The following LRRC34 variants were observed in gnomAD, a reference collection of about 807,000 sequenced individuals.
LRRC34 encodes the protein leucine-rich repeat-containing protein 34.
In LRRC34, 44 loss-of-function variants were observed where a neutral mutation model predicts 48.5. The ratio of observed to expected loss-of-function variants is 0.91; its 90% CI spans 0.71 to 1.17. LRRC34 has a LOEUF of 1.17. Ranked by LOEUF, LRRC34 falls within the 50% of genes most tolerant of loss-of-function variation. The probability of loss-of-function intolerance (pLI) is 0.00; values close to 1 mark genes in which losing one functional copy is unlikely to be tolerated. For missense variants in LRRC34, 502 were observed against 563.0 expected (o/e 0.89, Z 1.10); for synonymous variants, 192 against 197.6 (o/e 0.97, Z 0.24).
In LRRC34 at chr3:169,793,802, G is replaced by GT; in HGVS notation, c.1227dup (p.Pro410ThrfsTer25). 6.2e-7 allele frequency: 1 copy of GT among 1,612,660 alleles called. No individual in the cohort carries two copies. The highest frequency in any genetic ancestry group is 8.5e-7 in the Non-Finnish European group (1 of 1,179,552). On this transcript the variant is annotated frameshift_variant, in exon 11 of 11. Coordinates refer to ENST00000446859, the MANE Select transcript of LRRC34 (RefSeq NM_001172779.2). LOFTEE classifies it high-confidence loss of function. Reference sequence around the variant, plus strand: ...AATGGCTCCACATCTGTATTGTCTGGTTTTAGACAACCCATTTGAATTAAG... The same window carrying GT: ...AATGGCTCCACATCTGTATTGTCTGGTTTTTAGACAACCCATTTGAATTAAG...
intron 2 of LRRC34, chr3:169,807,958 TCACA>T (rs1229727720): frequency 4.8e-6 from 2 of 418,478 alleles, no homozygotes; most frequent in African/African-American, 4.2e-5. Flanking sequence ...ACACTCACAC[TCACA>T]CAAACAGTAT....
rs778348749 is a variant in LRRC34, at chr3:169,796,798, CTG to C, written c.853_854del (p.Gln285ValfsTer3). 3.5e-5 allele frequency: 57 copies of C among 1,611,168 alleles called. No individual in the cohort carries two copies. Among genetic ancestry groups the C allele is most frequent in the Non-Finnish European group, 4.7e-5 (55 of 1,179,102 alleles). ...TGTTCAGATACAGTGCATCACATAA[CTG>C]TTGTATACCACTGTTTTTTATATCA... ...KHDIKNSGIQ[Q>X]LCDALYLNSS... On this transcript the variant is annotated frameshift_variant, in exon 8 of 11. Coordinates refer to ENST00000446859, the MANE Select transcript of LRRC34 (RefSeq NM_001172779.2). LOFTEE classifies it high-confidence loss of function.
chr3:169,803,371 C>T (rs921498270), intron 6 of LRRC34, among the ~76,000 whole-genome samples: 3 of 152,162 alleles, frequency 2.0e-5, no homozygotes, highest in African/African-American at 7.2e-5. Flanking sequence ...CATGTCATGT[C>T]GCCCAGCTTC....
In LRRC34 at chr3:169,806,909, A is replaced by G. The variant is rs770697967; in HGVS notation, c.467T>C (p.Leu156Ser). Reference protein sequence around the residue: ...LLQKQLNLIYLNLMFNDIGPE... With the variant: ...LLQKQLNLIYSNLMFNDIGPE... ...CCCAATATCATTAAACATGAGGTTT[A>G]AGTAAATGAGATTAAGTTGTTTCTA... is the stretch of plus-strand genomic sequence containing the variant. Residue 156 changes from leucine to serine, a missense_variant, in exon 5 of 11, where the codon TTA becomes TCA. Leu to Ser is a moderately radical substitution (Grantham distance 145, BLOSUM62 -2). Transcript: ENST00000446859. 1.7e-5 allele frequency: 28 copies of G among 1,603,222 alleles called. No individual in the cohort carries two copies. In the Admixed American group the frequency reaches 2.3e-4, roughly 13 times the overall value.
At chr3:169,796,452 G>A in intron 8 of LRRC34, 83 bp from the exon 9 acceptor site, 1 of 1,427,492 alleles carries the variant, frequency 7.0e-7, no homozygotes, top group Non-Finnish European at 9.5e-7. Flanking sequence ...AACTTAAACA[G>A]TACTTTCTGT....
intron 6 of LRRC34, among the ~76,000 whole-genome samples, chr3:169,803,729 A>G (rs1057282935): frequency 6.6e-6 from 1 of 152,202 alleles, no homozygotes; most frequent in Non-Finnish European, 1.5e-5. Flanking sequence ...ACTGCAGCCT[A>G]AAATGTATTT....
rs377198673 is a variant in LRRC34 at position 169,807,721 on chromosome 3, CAAAAAA to C, written c.258-18_258-13del. 1.7e-4 allele frequency: 147 copies of C among 883,138 alleles called. No homozygotes were observed. Among genetic ancestry groups the C allele is most frequent in the African/African-American group, 1.4e-3 (50 of 35,064 alleles). 54.7% of individuals were successfully genotyped at this position (883,138 alleles called of 1,614,324 possible). On this transcript the variant is annotated splice_polypyrimidine_tract_variant and intron_variant, in intron 2 of 10. Transcript: ENST00000446859. ...TTCCTGCTGCTAGCCTGTTAAAATA[CAAAAAA>C]AAAAAAAAAAAAAAAAGATTTTGAA...
chr3:169,796,209 C>T lies in LRRC34; in HGVS notation c.1064+5G>A. 6.3e-7 allele frequency: 1 copy of T among 1,593,578 alleles called. No homozygotes were observed. On this transcript the variant is annotated splice_donor_5th_base_variant and intron_variant, in intron 9 of 10. Coordinates refer to ENST00000446859, the MANE Select transcript of LRRC34 (RefSeq NM_001172779.2). ...TATTTTGATTAAATATAAAACCATA[C>T]TAACGCTTTAAGACTCCTGTTGTGT...
rs568574829 is a variant in LRRC34 at position 169,798,478 on chromosome 3, T to C, written c.754-1579A>G. 5.3e-5 allele frequency among the ~76,000 whole-genome samples: 8 copies of C among 152,254 alleles called. 1 individual carries two copies. The highest frequency in any genetic ancestry group is 9.6e-5 in the African/African-American group (4 of 41,550). On this transcript the variant is annotated intron_variant, in intron 7 of 10. Coordinates refer to ENST00000446859, the MANE Select transcript of LRRC34 (RefSeq NM_001172779.2). ...CCCGTACATGGAATAGATTTGCAGG[T>C]TTGTATTTGGGAACAGCAATTTAAG...
intron 6 of LRRC34, among the ~76,000 whole-genome samples, chr3:169,802,907 G>A (rs961949081): frequency 6.6e-6 from 1 of 152,020 alleles, no homozygotes; most frequent in Non-Finnish European, 1.5e-5. Flanking sequence ...AACCCGGGAG[G>A]TGGAGGTTGC....
chr3:169,806,936 A>G lies in LRRC34; in HGVS notation c.445-5T>C. 1 of 1,532,774 alleles carries G rather than the reference A, an allele frequency of 6.5e-7. No homozygotes were observed. Among genetic ancestry groups the G allele is most frequent in the Non-Finnish European group, 9.0e-7 (1 of 1,109,554 alleles). 94.9% of individuals were successfully genotyped at this position (1,532,774 alleles called of 1,614,324 possible). On this transcript the variant is annotated splice_region_variant and splice_polypyrimidine_tract_variant and intron_variant, in intron 4 of 10. Transcript: ENST00000446859. ...GTAAATGAGATTAAGTTGTTTCTAT[A>G]AGAGAAAAGAAGCTATTACACATTA... is the stretch of plus-strand genomic sequence containing the variant.
Position 169,812,579 on chromosome 3 carries a change from G to T in LRRC34, c.-31C>A. 6.9e-7 allele frequency: 1 copy of T among 1,449,482 alleles called. No homozygotes were observed. Among genetic ancestry groups the T allele is most frequent in the South Asian group, 1.4e-5 (1 of 70,342 alleles). 89.8% of individuals were successfully genotyped at this position (1,449,482 alleles called of 1,614,324 possible). A position where few individuals can be genotyped will look rare whatever the true frequency, so the allele number is the denominator to read the frequency against. ...CCGCGCGCGCACTTACAGTCCGCCT[G>T]CAGCTGTGAGGCGGCTACACGAGCC... On this transcript the variant is annotated 5_prime_UTR_variant, in exon 1 of 11. Coordinates refer to ENST00000446859, the MANE Select transcript of LRRC34 (RefSeq NM_001172779.2). This position sits in a 1 kb window ranked among gnomAD's most constrained non-coding sequence, Gnocchi z 4.3.
chr3:169,812,828 A>C lies in LRRC34; in HGVS notation c.-280T>G. 2.4e-6 allele frequency: 1 copy of C among 421,554 alleles called. No homozygotes were observed. Among genetic ancestry groups the C allele is most frequent in the Non-Finnish European group, 4.2e-6 (1 of 238,326 alleles). The allele number at this position is 421,554 out of a possible 1,614,324, so 26.1% of individuals were successfully genotyped here. On this transcript the variant is annotated 5_prime_UTR_variant, in exon 1 of 11. Transcript: ENST00000446859. This position sits in a 1 kb window ranked among gnomAD's most constrained non-coding sequence, Gnocchi z 4.3. ...TGGGGCTACAAAGAAGATTATGACA[A>C]AGCCCGCTCCTACAAAGTGTGCACC...
intron 6 of LRRC34, among the ~76,000 whole-genome samples, chr3:169,802,306 G>C (rs894247232): frequency 6.6e-6 from 1 of 152,134 alleles, no homozygotes; most frequent in African/African-American, 2.4e-5. Context: ...GCCACACTTA[G>C]GGAAGCACTA....
intron 7 of LRRC34, among the ~76,000 whole-genome samples, chr3:169,800,307 A>G (rs567394142): frequency 4.6e-5 from 7 of 152,204 alleles, no homozygotes; most frequent in African/African-American, 7.2e-5. Context: ...CAATGTAACA[A>G]ACAGTTCACA....
chr3:169,799,017 A>T (rs1240187616), intron 7 of LRRC34, among the ~76,000 whole-genome samples: 1 of 152,226 alleles, frequency 6.6e-6, no homozygotes, highest in African/African-American at 2.4e-5. Flanking sequence ...GGTGTGAATG[A>T]ATCATGAGTG....
intron 1 of LRRC34, among the ~76,000 whole-genome samples, chr3:169,809,199 C>CT (rs35059929): frequency 0.22 from 24,671 of 113,308 alleles, 3,216 homozygotes; most frequent in East Asian, 0.55. Flanking sequence ...CTCAAGGTTT[C>CT]TTTTTTTTTT....
chr3:169,795,505 A>C lies in LRRC34; in HGVS notation c.1171T>G (p.Phe391Val), dbSNP rs936358460. The C allele has an allele frequency of 5.0e-6, 8 of 1,611,970 alleles. No homozygotes were observed. In the African/African-American group the frequency reaches 1.1e-4, roughly 22 times the overall value. ...FSHIYIWGNKFDEATCIAYSD... is the reference protein window; with the variant it reads ...FSHIYIWGNKVDEATCIAYSD... ...CTTACTATACACGTAGCCTCATCAA[A>C]TTTGTTTCCCCAAATGTAGATATGA... Residue 391 changes from phenylalanine (F) to valine (V), a missense_variant, in exon 10 of 11, where the codon TTT (phenylalanine) becomes GTT (valine). Coordinates refer to ENST00000446859, the MANE Select transcript of LRRC34 (RefSeq NM_001172779.2).
rs762946094 is a variant in LRRC34 at position 169,802,978 on chromosome 3, C to CA, written c.657+1074dup. On this transcript the variant is annotated intron_variant, in intron 6 of 10. Transcript: ENST00000446859. ...GGTGACAAGAGTGAGACTCTGTCTC[C>CA]AAAAAAAAAAAAAGTTAATCCTTCA... Among the ~76,000 whole-genome samples the CA allele has an allele frequency of 1.1e-3, 156 of 136,234 alleles. 1 individual carries two copies. Among genetic ancestry groups the CA allele is most frequent in the Middle Eastern group, 3.8e-3 (1 of 264 alleles). The allele number at this position is 136,234 out of a possible 152,430, so 89.4% of individuals were successfully genotyped here. A position where few individuals can be genotyped will look rare whatever the true frequency, so the allele number is the denominator to read the frequency against.
Sources: gnomAD v4.1 joint callset for allele counts (sites outside exome capture counted in the v4.1 genomes callset) on GRCh38, gnomAD v4.1.1 for gene constraint, Gnocchi (gnomAD v3.1) non-coding constraint, MANE v1.5 for transcripts, NCBI Gene and HGNC (gene_info 2026-07-23, HGNC 2026-07-21) for gene names.